The following DIAPH2 variants were observed in gnomAD, a reference collection of about 807,000 sequenced individuals.
DIAPH2 encodes the protein protein diaphanous homolog 2.
In DIAPH2, 35 loss-of-function variants were observed where a neutral mutation model predicts 92.7. The observed-to-expected ratio is 0.38, with a 90% CI of 0.29 to 0.50. The LOEUF is 0.50. Ranked by LOEUF, DIAPH2 falls within the 20% of genes least tolerant of loss-of-function variation. The pLI, the probability that DIAPH2 is intolerant of heterozygous loss-of-function variation, is 0.94. For synonymous variants in DIAPH2, 301 were observed against 280.4 expected (o/e 1.07, Z -0.73); for missense variants, 701 against 819.5 (o/e 0.86, Z 1.77).
intron 4 of DIAPH2, among the ~76,000 whole-genome samples, chrX:96,830,310 G>A (rs1222005774): frequency 9.0e-6 from 1 of 110,822 alleles, no homozygotes; most frequent in East Asian, 2.8e-4. Flanking sequence ...GGTGGCTCAC[G>A]CCTGTAATCC....
intron 4 of DIAPH2, among the ~76,000 whole-genome samples, chrX:96,847,439 T>G (rs1004890975): frequency 4.5e-5 from 5 of 112,028 alleles, no homozygotes; most frequent in African/African-American, 1.6e-4. Context: ...TGTGTGGTCA[T>G]GAGCAAGTCA....
chrX:96,694,403 T>C (rs2063813906), intron 1 of DIAPH2, among the ~76,000 whole-genome samples: 1 of 110,045 alleles, frequency 9.1e-6, no homozygotes, highest in Non-Finnish European at 1.9e-5. Flanking sequence ...TGCAGTGGCC[T>C]GATCTCTGCT....
chrX:97,299,137 G>T (rs1049188079), intron 23 of DIAPH2, among the ~76,000 whole-genome samples: 13 of 111,930 alleles, frequency 1.2e-4, no homozygotes, highest in African/African-American at 3.6e-4. Flanking sequence ...GATCTATAAA[G>T]AGGGAAAATA....
intron 3 of DIAPH2, among the ~76,000 whole-genome samples, chrX:96,752,954 A>G (rs144694184): frequency 3.6e-5 from 4 of 111,563 alleles, no homozygotes; most frequent in African/African-American, 1.3e-4. Flanking sequence ...CATTGCTCTT[A>G]TTGTCCTGCC....
At chrX:97,295,185 T>C (rs1381190414) in intron 23 of DIAPH2, among the ~76,000 whole-genome samples, 1 of 112,017 alleles carries the variant, frequency 8.9e-6, no homozygotes, top group Non-Finnish European at 1.9e-5. Context: ...GGTGGTTTTC[T>C]TGATACCACT....
chrX:96,893,527 A>G (rs2065321378), intron 5 of DIAPH2, among the ~76,000 whole-genome samples: 1 of 112,211 alleles, frequency 8.9e-6, no homozygotes, highest in Non-Finnish European at 1.9e-5. Context: ...GGACAACAAC[A>G]GTAGAATGAG....
chrX:97,200,279 C>T (rs2067736547), intron 22 of DIAPH2, among the ~76,000 whole-genome samples: 1 of 112,300 alleles, frequency 8.9e-6, no homozygotes, highest in Non-Finnish European at 1.9e-5. Flanking sequence ...GGGCAGGCAC[C>T]CAGCTAGCTG....
At chrX:97,368,798 C>A (rs1277401799) in intron 24 of DIAPH2, among the ~76,000 whole-genome samples, 1 of 110,447 alleles carries the variant, frequency 9.1e-6, no homozygotes, top group Non-Finnish European at 1.9e-5. Context: ...TTATTGCATG[C>A]CTCTTTTGTA....
intron 26 of DIAPH2, among the ~76,000 whole-genome samples, chrX:97,430,369 T>C (rs1368762395): frequency 4.4e-5 from 5 of 112,634 alleles, no homozygotes; most frequent in African/African-American, 1.3e-4. Context: ...TGGAAAGTTG[T>C]CTACTTTCTC....
chrX:96,703,640 T>C (rs1196143606), intron 1 of DIAPH2, among the ~76,000 whole-genome samples: 1 of 111,620 alleles, frequency 9.0e-6, no homozygotes, highest in East Asian at 2.8e-4. Context: ...GGGTCTAGGC[T>C]GAATTACAGT....
intron 19 of DIAPH2, among the ~76,000 whole-genome samples, chrX:97,096,952 A>T (rs186499927): frequency 1.8e-5 from 2 of 111,420 alleles, no homozygotes; most frequent in Non-Finnish European, 3.8e-5. Flanking sequence ...CTACACAAAC[A>T]GACTTCAGGC....
chrX:97,007,418 A>T (rs1167322827), intron 17 of DIAPH2, among the ~76,000 whole-genome samples: 6 of 110,803 alleles, frequency 5.4e-5, no homozygotes, highest in Non-Finnish European at 1.1e-4. Flanking sequence ...TGTTTGAAGG[A>T]TATTTTCTCT....
At chrX:97,140,025 T>TAA (rs200917064) in intron 21 of DIAPH2, among the ~76,000 whole-genome samples, 5 of 106,671 alleles carry the variant, frequency 4.7e-5, no homozygotes, top group Admixed American at 3.1e-4. Flanking sequence ...TGTTCTTTTT[T>TAA]AAAAAAAAAA....
intron 4 of DIAPH2, among the ~76,000 whole-genome samples, chrX:96,851,761 A>G (rs1161699684): frequency 1.8e-5 from 2 of 112,271 alleles, no homozygotes; most frequent in East Asian, 5.6e-4. Context: ...ATTTTTACTG[A>G]CAAAAGTTTA....
chrX:97,317,081 T>A (rs1265405833), intron 23 of DIAPH2, among the ~76,000 whole-genome samples: 1 of 112,476 alleles, frequency 8.9e-6, no homozygotes, highest in African/African-American at 3.2e-5. Flanking sequence ...AATGTCTTTA[T>A]GTTGAGCTTG....
intron 17 of DIAPH2, among the ~76,000 whole-genome samples, chrX:97,006,939 G>A (rs1167401613): frequency 9.1e-6 from 1 of 110,253 alleles, no homozygotes; most frequent in Non-Finnish European, 1.9e-5. Flanking sequence ...TGTATCCTTT[G>A]TATGTTGTTT....
intron 21 of DIAPH2, among the ~76,000 whole-genome samples, chrX:97,141,062 TTTG>T (rs1291470479): frequency 2.7e-5 from 3 of 111,384 alleles, no homozygotes; most frequent in African/African-American, 9.7e-5. Flanking sequence ...TGGCATCTCT[TTTG>T]TTGTGTGTCT....
At chrX:97,054,333 A>G (rs1018353132) in intron 17 of DIAPH2, among the ~76,000 whole-genome samples, 1 of 112,034 alleles carries the variant, frequency 8.9e-6, no homozygotes, top group Non-Finnish European at 1.9e-5. Flanking sequence ...TCAAATTGGT[A>G]CTACTTTCTA....
At position 97,411,747 on chromosome X, in the gene DIAPH2, G is replaced by A. The variant is rs140509711; in HGVS notation, c.3146-17903G>A. ...TGGAAAGCAACGAAAAGCAGGGGTT[G>A]CAATCCTAGTCTCTGATAAAACAGA... On this transcript the variant is annotated intron_variant, in intron 25 of 26. Transcript: ENST00000324765. Among the ~76,000 whole-genome samples, 840 of 111,613 alleles carry A rather than the reference G, an allele frequency of 7.5e-3. 4 individuals carry two copies. Among genetic ancestry groups the A allele is most frequent in the Non-Finnish European group, 0.012 (632 of 53,091 alleles).
Sources: allele counts gnomAD v4.1 joint callset (sites outside exome capture counted in the v4.1 genomes callset), GRCh38; gene constraint gnomAD v4.1.1; transcripts MANE v1.5; gene names NCBI Gene and HGNC (gene_info 2026-07-23, HGNC 2026-07-21).